CELF2: variants seen among roughly 807,000 people sequenced by gnomAD.
The protein encoded by CELF2 is CUGBP Elav-like family member 2, also known as CUG triplet repeat RNA-binding protein 2.
CELF2 carries 8 observed loss-of-function variants against 62.6 expected under a neutral mutation model. The ratio of observed to expected loss-of-function variants is 0.13; its 90% confidence interval spans 0.07 to 0.23. CELF2 has a LOEUF of 0.23. CELF2 is among the 10% of genes least tolerant of loss of function. CELF2 has a pLI of 1.00. For missense variants in CELF2, 333 were observed against 671.0 expected (o/e 0.50, Z 5.56); for synonymous variants, 258 against 250.0 (o/e 1.03, Z -0.30).
intron 2 of CELF2, among the ~76,000 whole-genome samples, chr10:11,209,593 G>T: frequency 2.1e-5 from 3 of 145,502 alleles, no homozygotes; most frequent in African/African-American, 2.5e-5. Context: ...TAAGGTTAAT[G>T]CTAAGTTTTC....
At chr10:10,600,628 AAAATATAGAG>A in the CELF2 span, among the ~76,000 whole-genome samples, 1 of 152,224 alleles carries the variant, frequency 6.6e-6, no homozygotes, top group African/African-American at 2.4e-5. Flanking sequence ...ATAATAATCC[AAAATATAGAG>A]AAACTGATAC....
chr10:11,295,034 C>G (rs1372480020), intron 9 of CELF2, among the ~76,000 whole-genome samples: 1 of 152,242 alleles, frequency 6.6e-6, no homozygotes, highest in African/African-American at 2.4e-5. Context: ...ACCTCCCGGT[C>G]TTTGCTCATT....
At chr10:11,265,773 T>C (rs953086111) in intron 5 of CELF2, among the ~76,000 whole-genome samples, 7 of 152,346 alleles carry the variant, frequency 4.6e-5, no homozygotes, top group African/African-American at 1.7e-4. Context: ...GCACGGAAAG[T>C]TTCACTGGTC....
intron 1 of CELF2, among the ~76,000 whole-genome samples, chr10:10,890,919 G>A (rs1236669029): frequency 1.3e-5 from 2 of 152,148 alleles, no homozygotes; most frequent in African/African-American, 4.8e-5. Flanking sequence ...GGAGGCTGAG[G>A]CAGGAGAATC....
rs2056557564 is a variant in CELF2 at position 11,012,087 on chromosome 10, G to A, written c.53+6647G>A. ...GGAATGGCCACGCTTAAGAAGAAAGGTCTAGCTGATGAATCAGAAAATTAA... is the reference window on the plus strand; with the variant it reads ...GGAATGGCCACGCTTAAGAAGAAAGATCTAGCTGATGAATCAGAAAATTAA... On this transcript the variant is annotated intron_variant, in intron 1 of 12. Coordinates refer to the CELF2 transcript ENST00000416382. This position sits in a 1 kb window ranked among gnomAD's most constrained non-coding sequence, Gnocchi z 5.5. Among the ~76,000 whole-genome samples the A allele has an allele frequency of 6.6e-6, 1 of 152,200 alleles. No individual in the cohort carries two copies. Among genetic ancestry groups the A allele is most frequent in the Non-Finnish European group, 1.5e-5 (1 of 68,038 alleles).
the CELF2 span, among the ~76,000 whole-genome samples, chr10:10,604,332 C>G: frequency 6.6e-6 from 1 of 152,078 alleles, no homozygotes. Context: ...AGGTTCTAGT[C>G]AAAAAGAAGT....
the CELF2 span, among the ~76,000 whole-genome samples, chr10:10,660,094 G>A: frequency 9.9e-4 from 151 of 152,262 alleles, 1 homozygote; most frequent in Non-Finnish European, 2.8e-4. Flanking sequence ...AGCAGGAAAT[G>A]GCAATAAAAT....
intron 1 of CELF2, among the ~76,000 whole-genome samples, chr10:11,053,464 TA>T (rs1564533861): frequency 2.6e-5 from 4 of 152,188 alleles, no homozygotes; most frequent in African/African-American, 7.2e-5. Context: ...GTGGATGGAT[TA>T]GGGGGAAATA....
At chr10:10,530,381 A>G in the CELF2 span, among the ~76,000 whole-genome samples, 5 of 152,344 alleles carry the variant, frequency 3.3e-5, no homozygotes, top group Middle Eastern at 3.4e-3. Context: ...CAAAATTAGG[A>G]ATGTTTTTGT....
intron 3 of CELF2, among the ~76,000 whole-genome samples, chr10:11,228,057 G>A (rs2067228018): frequency 6.6e-6 from 1 of 152,182 alleles, no homozygotes; most frequent in Non-Finnish European, 1.5e-5. Flanking sequence ...GATTAGGAAA[G>A]AGAAAATGAA....
chr10:10,768,059 A>G, the CELF2 span, among the ~76,000 whole-genome samples: 134 of 113,774 alleles, frequency 1.2e-3, no homozygotes, highest in Middle Eastern at 0.012. Flanking sequence ...CCAGCTGCTC[A>G]GGAGGCTGAG....
intron 1 of CELF2, among the ~76,000 whole-genome samples, chr10:10,873,705 G>A (rs9424101): frequency 4.3e-4 from 66 of 152,266 alleles, no homozygotes; most frequent in African/African-American, 9.4e-4. Flanking sequence ...GCAATAAATC[G>A]AAGATCTGTT....
At chr10:10,600,410 T>C in the CELF2 span, among the ~76,000 whole-genome samples, 3 of 152,230 alleles carry the variant, frequency 2.0e-5, no homozygotes. Context: ...ATTCTTTTGA[T>C]TGGAAGGACT....
In CELF2 at chr10:11,306,262, C is replaced by G. The variant is rs376634311; in HGVS notation, c.977-7877C>G. Among the ~76,000 whole-genome samples, 4 of 152,010 alleles carry G rather than the reference C, an allele frequency of 2.6e-5. No individual in the cohort carries two copies. Among genetic ancestry groups the G allele is most frequent in the Middle Eastern group, 3.4e-3 (1 of 294 alleles). ...ATGAACCAACATTTATAGACCGCAC[C>G]TCTCCTGAGATGCTCCTTTGGCATT... is the stretch of plus-strand genomic sequence containing the variant. On this transcript the variant is annotated intron_variant, in intron 9 of 12. Coordinates refer to ENST00000633077, the MANE Select transcript of CELF2 (RefSeq NM_001326342.2). The surrounding 1 kb of genome is among the most constrained non-coding windows in gnomAD (Gnocchi z 4.4).
intron 1 of CELF2, among the ~76,000 whole-genome samples, chr10:11,074,657 T>C (rs904469974): frequency 2.6e-5 from 4 of 152,214 alleles, no homozygotes; most frequent in Non-Finnish European, 5.9e-5. Flanking sequence ...GCAGCACTTG[T>C]GTGAGCAGAG....
At chr10:11,048,367 G>A (rs2063251576) in intron 1 of CELF2, among the ~76,000 whole-genome samples, 1 of 152,158 alleles carries the variant, frequency 6.6e-6, no homozygotes, top group Non-Finnish European at 1.5e-5. Context: ...AGCTTTCTCA[G>A]TATTACGTAT....
chr10:10,622,914 T>C, the CELF2 span, among the ~76,000 whole-genome samples: 2 of 150,700 alleles, frequency 1.3e-5, no homozygotes, highest in African/African-American at 4.9e-5. Flanking sequence ...ACCCCATCTC[T>C]ACTAAAAATA....
the CELF2 span, among the ~76,000 whole-genome samples, chr10:10,519,404 G>T: frequency 6.6e-6 from 1 of 152,158 alleles, no homozygotes; most frequent in East Asian, 1.9e-4. Flanking sequence ...CATTGCTTTT[G>T]ACAGTTTTTG....
At chr10:10,962,997 CTGTTTTGTTT>C (rs57417707) in intron 2 of CELF2, among the ~76,000 whole-genome samples, 24,414 of 142,524 alleles carry the variant, frequency 0.17, 2,164 homozygotes, top group South Asian at 0.26. Context: ...TAAGGAAATT[CTGTTTTGTTT>C]TGTTTTGTTT....
Sources: allele counts gnomAD v4.1 joint callset (sites outside exome capture counted in the v4.1 genomes callset), GRCh38; gene constraint gnomAD v4.1.1; non-coding constraint Gnocchi (gnomAD v3.1); transcripts MANE v1.5; gene names NCBI Gene and HGNC (gene_info 2026-07-23, HGNC 2026-07-21).